Variants in SLC6A5 observed in about 807,000 individuals in gnomAD.
SLC6A5 encodes the protein solute carrier family 6 member 5.
In SLC6A5, 58 loss-of-function variants were observed where a neutral mutation model predicts 90.5. The ratio of observed to expected loss-of-function variants is 0.64; its 90% CI spans 0.52 to 0.80. The LOEUF is 0.80. Among genes scored for constraint, SLC6A5 ranks in the 30% least tolerant of loss-of-function variants. The pLI is 0.00. For synonymous variants in SLC6A5, 427 were observed against 401.4 expected (o/e 1.06, Z -0.76); for missense variants, 1,015 against 1,017.6 (o/e 1.00, Z 0.03).
intron 2 of SLC6A5, 69 bp downstream of exon 2, chr11:20,601,734 C>T (rs905754127): frequency 1.3e-6 from 2 of 1,526,352 alleles, no homozygotes; most frequent in Non-Finnish European, 1.8e-6. Flanking sequence ...CCAGCCGGGC[C>T]GTGGCGGGTG....
At position 20,607,576 on chromosome 11, in the gene SLC6A5, G is replaced by T; in HGVS notation, c.909G>T (p.Val303=). Reference sequence around the variant, plus strand: ...TTTTCTACCTGTTTGCCTCCTTTGTGTCTGTACTACCCTGGGGCTCCTGCA... The same window carrying T: ...TTTTCTACCTGTTTGCCTCCTTTGTTTCTGTACTACCCTGGGGCTCCTGCA... The part of the protein sequence containing the change: ...YTLFYLFASF[V]SVLPWGSCNN... The change falls in exon 5 of 16, where the codon GTG becomes GTT. Residue 303 remains valine (V), a synonymous_variant. Transcript: ENST00000525748. 1 of 1,614,078 alleles carries T rather than the reference G, an allele frequency of 6.2e-7. No individual in the cohort carries two copies. The highest frequency in any genetic ancestry group is 8.5e-7 in the Non-Finnish European group (1 of 1,179,994).
rs145050333 is a variant in SLC6A5 at position 20,607,077 on chromosome 11, G to A, written c.750G>A (p.Ser250=). The A allele has an allele frequency of 4.4e-5, 71 of 1,613,904 alleles. No homozygotes were observed. The African/African-American group carries it at 6.4e-4, about 15-fold the overall frequency. The stretch of plus-strand genomic sequence containing the variant: ...TACCCATCTTCTTCTTGGAGGTGTC[G>A]CTGGGCCAGTTTGCCAGCCAGGGAC... ...AGLPIFFLEV[S]LGQFASQGPV... is the part of the protein sequence containing the mutation. Residue 250 remains serine (S), a synonymous_variant, in exon 4 of 16, where the codon TCG becomes TCA. Coordinates refer to ENST00000525748, the MANE Select transcript of SLC6A5 (RefSeq NM_004211.5).
chr11:20,648,289 C>G (rs907299261), intron 14 of SLC6A5, among the ~76,000 whole-genome samples: 2 of 152,044 alleles, frequency 1.3e-5, no homozygotes, highest in African/African-American at 4.8e-5. Flanking sequence ...TTTTTTCTTT[C>G]TTTCTTCTTT....
intron 14 of SLC6A5, among the ~76,000 whole-genome samples, chr11:20,650,206 A>C (rs10833372): frequency 0.38 from 57,828 of 152,070 alleles, 12,872 homozygotes; most frequent in East Asian, 0.84. Flanking sequence ...TTCTAGGCTG[A>C]TGTTGCTACA....
In SLC6A5 at chr11:20,602,367, C is replaced by T. The variant is rs144081826; in HGVS notation, c.540+702C>T. Among the ~76,000 whole-genome samples, 32 of 152,290 alleles carry T rather than the reference C, an allele frequency of 2.1e-4. No homozygotes were observed. The East Asian group carries it at 3.5e-3, about 17-fold the overall frequency. ...TGATCCTTTACTACTTAATTAGAGG[C>T]GTGAAAAACCCACAGAGCAAATCCC... is the stretch of plus-strand genomic sequence containing the variant. On this transcript the variant is annotated intron_variant, in intron 2 of 15. Coordinates refer to ENST00000525748, the MANE Select transcript of SLC6A5 (RefSeq NM_004211.5).
chr11:20,632,893 T>C (rs769364019), intron 10 of SLC6A5, among the ~76,000 whole-genome samples: 10 of 152,196 alleles, frequency 6.6e-5, no homozygotes, highest in Non-Finnish European at 1.3e-4. Flanking sequence ...CCTAACACTA[T>C]GCGATTTAGT....
At position 20,649,859 on chromosome 11, in the gene SLC6A5, A is replaced by G. The variant is rs193073930; in HGVS notation, c.2071-2430A>G. ...TACAATACTCTGGTTAATAAAGTTTATAACTCTAGGGACAAATGTTTAAAA... is the reference window on the plus strand; with the variant it reads ...TACAATACTCTGGTTAATAAAGTTTGTAACTCTAGGGACAAATGTTTAAAA... On this transcript the variant is annotated intron_variant, in intron 14 of 15. Transcript: ENST00000525748. Among the ~76,000 whole-genome samples the G allele has an allele frequency of 5.7e-3, 873 of 152,372 alleles. 2 individuals carry two copies. The highest frequency in any genetic ancestry group is 9.6e-3 in the Non-Finnish European group (650 of 68,034).
chr11:20,648,870 A>G (rs1455128084), intron 14 of SLC6A5, among the ~76,000 whole-genome samples: 6 of 152,194 alleles, frequency 3.9e-5, no homozygotes, highest in African/African-American at 1.2e-4. Context: ...CATTGTTTCT[A>G]AAGCTTAGGA....
chr11:20,601,350 A>T lies in SLC6A5; in HGVS notation c.225A>T (p.Pro75=). The change falls in exon 2 of 16, where the codon CCA becomes CCT. Residue 75 remains proline (P), a synonymous_variant. Coordinates refer to ENST00000525748, the MANE Select transcript of SLC6A5 (RefSeq NM_004211.5). ...ADARACEAER[P]GVGSCKLSSP... ...CGCGAGCCTGCGAGGCTGAGCGGCCAGGAGTGGGGTCTTGCAAACTCAGTA... is the reference window on the plus strand; with the variant it reads ...CGCGAGCCTGCGAGGCTGAGCGGCCTGGAGTGGGGTCTTGCAAACTCAGTA... 1 of 1,600,378 alleles carries T rather than the reference A, an allele frequency of 6.2e-7. No homozygotes were observed. Among genetic ancestry groups the T allele is most frequent in the Non-Finnish European group, 8.5e-7 (1 of 1,175,768 alleles).
intron 5 of SLC6A5, among the ~76,000 whole-genome samples, chr11:20,611,263 T>C (rs976894959): frequency 2.6e-5 from 4 of 152,128 alleles, no homozygotes; most frequent in Non-Finnish European, 1.5e-5. Context: ...GAGACCATCC[T>C]GGGCAACACG....
chr11:20,649,347 C>T (rs568522027), intron 14 of SLC6A5, among the ~76,000 whole-genome samples: 5 of 152,164 alleles, frequency 3.3e-5, no homozygotes, highest in Non-Finnish European at 7.3e-5. Flanking sequence ...CCCTCCAGCA[C>T]CTTCTTTGGC....
At chr11:20,643,241 A>G (rs1348020057) in intron 13 of SLC6A5, among the ~76,000 whole-genome samples, 1 of 147,744 alleles carries the variant, frequency 6.8e-6, no homozygotes. Flanking sequence ...TTTTTTTTTT[A>G]GAAAAAGAAC....
At chr11:20,616,288 C>T (rs980127518) in intron 6 of SLC6A5, among the ~76,000 whole-genome samples, 1 of 152,152 alleles carries the variant, frequency 6.6e-6, no homozygotes, top group African/African-American at 2.4e-5. Flanking sequence ...TTTAATTCTC[C>T]CTGAGCACTG....
chr11:20,611,272 C>T lies in SLC6A5; in HGVS notation c.986-3407C>T, dbSNP rs562287922. Among the ~76,000 whole-genome samples the T allele has an allele frequency of 4.6e-5, 7 of 152,108 alleles. No homozygotes were observed. The South Asian group carries it at 6.2e-4, about 14-fold the overall frequency. On this transcript the variant is annotated intron_variant, in intron 5 of 15. Coordinates refer to ENST00000525748, the MANE Select transcript of SLC6A5 (RefSeq NM_004211.5). ...GAGTTGGAGACCATCCTGGGCAACA[C>T]GGCAAAACCCTGTCTCTACTAAAAA...
At position 20,630,713 on chromosome 11, in the gene SLC6A5, AC is replaced by A; in HGVS notation, c.1524del (p.Asn509ThrfsTer46). 1.2e-6 allele frequency: 2 copies of A among 1,614,216 alleles called. No individual in the cohort carries two copies. Among genetic ancestry groups the A allele is most frequent in the South Asian group, 2.2e-5 (2 of 91,082 alleles). On this transcript the variant is annotated frameshift_variant, in exon 10 of 16. Coordinates refer to ENST00000525748, the MANE Select transcript of SLC6A5 (RefSeq NM_004211.5). LOFTEE classifies it high-confidence loss of function. Reference sequence around the variant, plus strand: ...CAGGGACACTCTAATTGTCACCTGCACCAACAGTGCCACAAGCATCTTTGCC... The same window carrying A: ...CAGGGACACTCTAATTGTCACCTGCACAACAGTGCCACAAGCATCTTTGCC... ...CYRDTLIVTCTNSATSIFAGF... is the reference protein window; with the variant it reads ...CYRDTLIVTCXNSATSIFAGF...
intron 13 of SLC6A5, among the ~76,000 whole-genome samples, chr11:20,643,106 C>T (rs1853344437): frequency 6.6e-6 from 1 of 152,168 alleles, no homozygotes; most frequent in African/African-American, 2.4e-5. Context: ...ACCTTGAGCC[C>T]TATCATATCG....
chr11:20,654,927 T>G lies in SLC6A5; in HGVS notation c.*59T>G. 1 of 1,523,926 alleles carries G rather than the reference T, an allele frequency of 6.6e-7. No individual in the cohort carries two copies. The highest frequency in any genetic ancestry group is 1.1e-5 in the South Asian group (1 of 89,242). The allele number at this position is 1,523,926 out of a possible 1,614,324, so 94.4% of individuals were successfully genotyped here. ...GTTTTTCCTCTCTGCCTCCTCCTAA[T>G]GTTTTCCATAGCTCTCCTCCCATTT... On this transcript the variant is annotated 3_prime_UTR_variant, in exon 16 of 16. Coordinates refer to ENST00000525748, the MANE Select transcript of SLC6A5 (RefSeq NM_004211.5).
intron 2 of SLC6A5, among the ~76,000 whole-genome samples, chr11:20,603,499 A>C (rs960247820): frequency 9.9e-5 from 15 of 152,194 alleles, no homozygotes; most frequent in Admixed American, 9.8e-4. Context: ...GTTCAGAGAG[A>C]GCAAGTGGCT....
intron 1 of SLC6A5, among the ~76,000 whole-genome samples, chr11:20,600,225 G>C (rs930291046): frequency 6.6e-6 from 1 of 152,098 alleles, no homozygotes; most frequent in African/African-American, 2.4e-5. Flanking sequence ...ATTTGAAAGT[G>C]AATTGGGAAA....
Sources: allele counts gnomAD v4.1 joint callset (sites outside exome capture counted in the v4.1 genomes callset), GRCh38; gene constraint gnomAD v4.1.1; transcripts MANE v1.5; gene names NCBI Gene and HGNC (gene_info 2026-07-23, HGNC 2026-07-21).